Variants in PEX1 observed in about 807,000 individuals in gnomAD.
The protein encoded by PEX1 is peroxisomal biogenesis factor 1.
Under a neutral mutation model 152.5 loss-of-function variants are expected in PEX1, and 97 were observed. The ratio of observed to expected loss-of-function variants is 0.64; its 90% CI spans 0.54 to 0.75. The LOEUF (loss-of-function observed/expected upper bound fraction) is 0.75. Among genes scored for constraint, PEX1 ranks in the 30% least tolerant of loss-of-function variants. The pLI is 0.00. For synonymous variants in PEX1, 485 were observed against 531.6 expected (o/e 0.91, Z 1.21); for missense variants, 1,357 against 1,516.3 (o/e 0.89, Z 1.74).
At position 92,519,029 on chromosome 7, in the gene PEX1, A is replaced by G. The variant is rs1188265968; in HGVS notation, c.323T>C (p.Val108Ala). ...CCAATCATCTGCTGAGAGGGGTTCC[A>G]CCTCAACTTGTTGACAAGATACCAC... is the stretch of plus-strand genomic sequence containing the variant. ...SHVVSCQQVE[V>A]EPLSADDWEI... The change falls in exon 3 of 24, where the codon GTG becomes GCG. Residue 108 changes from valine (V) to alanine (A), a missense_variant. By Grantham distance (64) the Val-to-Ala change is moderately conservative. Transcript: ENST00000248633. 1.2e-6 allele frequency: 2 copies of G among 1,612,182 alleles called. No individual in the cohort carries two copies. Among genetic ancestry groups the G allele is most frequent in the Non-Finnish European group, 1.7e-6 (2 of 1,178,304 alleles).
At chr7:92,503,754 G>A (rs910342463) in intron 12 of PEX1, among the ~76,000 whole-genome samples, 1 of 152,014 alleles carries the variant, frequency 6.6e-6, no homozygotes, top group Non-Finnish European at 1.5e-5. Context: ...GTAACAGATC[G>A]AGTGTAAGAT....
chr7:92,501,980 T>G lies in PEX1; in HGVS notation c.2326A>C (p.Thr776Pro). ...AAATCTCTAGCCACAAACCCGCCAG[T>G]TTCTTTAGCTACATGCTGCAGGTCA... is the stretch of plus-strand genomic sequence containing the variant. Reference protein sequence around the residue: ...DLDLQHVAKETGGFVARDFTV... With the variant: ...DLDLQHVAKEPGGFVARDFTV... The change falls in exon 14 of 24, where the codon ACT becomes CCT. Residue 776 changes from threonine (T) to proline (P), a missense_variant. Coordinates refer to ENST00000248633, the MANE Select transcript of PEX1 (RefSeq NM_000466.3). 6.2e-7 allele frequency: 1 copy of G among 1,613,834 alleles called. No individual in the cohort carries two copies. The highest frequency in any genetic ancestry group is 8.5e-7 in the Non-Finnish European group (1 of 1,179,704).
intron 5 of PEX1, among the ~76,000 whole-genome samples, chr7:92,517,070 T>C (rs1179569864): frequency 1.3e-5 from 2 of 152,206 alleles, no homozygotes; most frequent in Non-Finnish European, 2.9e-5. Flanking sequence ...CTTGTACCTA[T>C]TCAAGCTTAC....
rs893649883 is a variant in PEX1, at chr7:92,487,318, A to T, written c.*139T>A. The stretch of plus-strand genomic sequence containing the variant: ...ATCCTGATCATTACATAATTATAGC[A>T]TTTACCAATCTGTGATTTTATAAAT... On this transcript the variant is annotated 3_prime_UTR_variant, in exon 24 of 24. Coordinates refer to ENST00000248633, the MANE Select transcript of PEX1 (RefSeq NM_000466.3). The T allele has an allele frequency of 5.2e-6, 3 of 582,506 alleles. No individual in the cohort carries two copies. The Admixed American group carries it at 9.3e-5, about 18-fold the overall frequency. 36.1% of individuals were successfully genotyped at this position (582,506 alleles called of 1,614,324 possible).
chr7:92,517,495 A>G lies in PEX1; in HGVS notation c.1020T>C (p.Ser340=), dbSNP rs761181376. 7 of 1,613,926 alleles carry G rather than the reference A, an allele frequency of 4.3e-6. No individual in the cohort carries two copies. The South Asian group carries it at 6.6e-5, about 15-fold the overall frequency. The part of the protein sequence containing the change: ...VTYGKLVKLL[S]PKQQQSKTKQ... ...TTGTTTTACTTTGCTGTTGCTTTGG[A>G]GAAAGTAGCTTAACTAGCTTTCCAT... Residue 340 remains serine, a synonymous_variant, in exon 5 of 24, where the codon TCT becomes TCC. Transcript: ENST00000248633.
At chr7:92,526,735 A>G (rs980201746) in intron 1 of PEX1, among the ~76,000 whole-genome samples, 1 of 150,420 alleles carries the variant, frequency 6.6e-6, no homozygotes, top group Admixed American at 6.6e-5. Context: ...CACTCATAAT[A>G]ACATTAAATA....
chr7:92,513,299 A>G (rs1792566303), intron 6 of PEX1, among the ~76,000 whole-genome samples: 1 of 152,234 alleles, frequency 6.6e-6, no homozygotes, highest in East Asian at 1.9e-4. Context: ...AAATGTGGAA[A>G]CAACCCAAGT....
intron 15 of PEX1, among the ~76,000 whole-genome samples, 188 bp downstream of exon 15, chr7:92,501,319 T>TA (rs1562853233): frequency 6.6e-6 from 1 of 152,010 alleles, no homozygotes; most frequent in African/African-American, 2.4e-5. Context: ...TCAATTCTAA[T>TA]AAAAAATTAA....
intron 16 of PEX1, 137 bp downstream of exon 16, chr7:92,499,566 GT>G: frequency 1.4e-6 from 1 of 717,454 alleles, no homozygotes; most frequent in Middle Eastern, 2.9e-4. Context: ...GAATGAAAAA[GT>G]TTTGAAATTA....
Position 92,496,081 on chromosome 7 carries a change from G to A in PEX1, c.2783+632C>T, listed in dbSNP as rs1015852546. 8.6e-5 allele frequency among the ~76,000 whole-genome samples: 13 copies of A among 152,004 alleles called. No individual in the cohort carries two copies. The East Asian group carries it at 1.9e-3, about 23-fold the overall frequency. On this transcript the variant is annotated intron_variant, in intron 17 of 23. Transcript: ENST00000248633. ...GTTTATGCTTTTTCCTGGTAAACTC[G>A]GTGGTGAATACATGAAGTATTCATT...
At chr7:92,487,606 A>G (rs972848411) in intron 23 of PEX1, 65 bp from the exon 24 acceptor site, 7 of 701,406 alleles carry the variant, frequency 1.0e-5, no homozygotes, top group African/African-American at 1.8e-5. Context: ...AAGATAATGG[A>G]TTGTTGGCAA....
At chr7:92,500,680 C>T (rs1791884234) in intron 15 of PEX1, among the ~76,000 whole-genome samples, 1 of 151,256 alleles carries the variant, frequency 6.6e-6, no homozygotes, top group East Asian at 1.9e-4. Flanking sequence ...ATGCAGCAGG[C>T]TCCTTAACCC....
intron 1 of PEX1, among the ~76,000 whole-genome samples, chr7:92,527,408 T>G (rs1793325840): frequency 6.6e-6 from 1 of 152,016 alleles, no homozygotes; most frequent in Non-Finnish European, 1.5e-5. Context: ...TACTTAGTGG[T>G]AAAAAATAAT....
chr7:92,511,474 A>G, intron 7 of PEX1, 106 bp downstream of exon 7: 1 of 872,774 alleles, frequency 1.1e-6, no homozygotes, highest in South Asian at 1.5e-5. Flanking sequence ...TCATAATTAT[A>G]TTTCACTATT....
chr7:92,506,212 A>G (rs1215384007), intron 11 of PEX1, 36 bp downstream of exon 11: 4 of 1,109,884 alleles, frequency 3.6e-6, no homozygotes, highest in Admixed American at 1.7e-5. Context: ...TTTCTAATGA[A>G]AAAGGGATTT....
rs1792604603 is a variant in PEX1, at chr7:92,513,987, A to C, written c.1240-20T>G. On this transcript the variant is annotated intron_variant, in intron 5 of 23. Coordinates refer to ENST00000248633, the MANE Select transcript of PEX1 (RefSeq NM_000466.3). ...TGGAATCTGAAATTTAAAAATAAAC[A>C]AAAATATAAATATATTCAAAGCTTG... is the stretch of plus-strand genomic sequence containing the variant. 2.8e-6 allele frequency: 4 copies of C among 1,422,590 alleles called. No individual in the cohort carries two copies. In the African/African-American group the frequency reaches 5.6e-5, roughly 20 times the overall value. The allele number at this position is 1,422,590 out of a possible 1,614,324, so 88.1% of individuals were successfully genotyped here.
At chr7:92,497,805 C>G (rs1277412700) in intron 16 of PEX1, among the ~76,000 whole-genome samples, 1 of 152,240 alleles carries the variant, frequency 6.6e-6, no homozygotes, top group East Asian at 1.9e-4. Context: ...CACGGTGGTT[C>G]TCGCCTGTAA....
chr7:92,499,683 G>A, intron 16 of PEX1, 21 bp downstream of exon 16: 1 of 1,592,968 alleles, frequency 6.3e-7, no homozygotes, highest in Admixed American at 1.7e-5. Context: ...AATAAAAAAA[G>A]AAGATAAGTA....
chr7:92,507,478 T>C, intron 9 of PEX1: 1 of 250,130 alleles, frequency 4.0e-6, no homozygotes, highest in Non-Finnish European at 7.9e-6. Context: ...CTCCAACTCC[T>C]GGGCTCAAGT....
Sources: gnomAD v4.1 joint callset for allele counts (sites outside exome capture counted in the v4.1 genomes callset) on GRCh38, gnomAD v4.1.1 for gene constraint, MANE v1.5 for transcripts, NCBI Gene and HGNC (gene_info 2026-07-23, HGNC 2026-07-21) for gene names.